Variants in DYNC2H1 observed in about 807,000 individuals in gnomAD.
DYNC2H1 encodes the protein cytoplasmic dynein 2 heavy chain 1.
Under a neutral mutation model 570.0 loss-of-function variants are expected in DYNC2H1, and 410 were observed. The observed-to-expected ratio is 0.72, with a 90% CI of 0.66 to 0.78. The LOEUF (loss-of-function observed/expected upper bound fraction) is 0.78. Among genes scored for constraint, DYNC2H1 ranks in the 30% least tolerant of loss-of-function variants. The probability of loss-of-function intolerance (pLI) is 0.00; values close to 1 mark genes in which losing one functional copy is unlikely to be tolerated. For missense variants in DYNC2H1, 4,865 were observed against 5,046.4 expected (o/e 0.96, Z 1.09); for synonymous variants, 1,688 against 1,677.6 (o/e 1.01, Z -0.15).
At chr11:103,171,269 T>G (rs901126909) in intron 34 of DYNC2H1, among the ~76,000 whole-genome samples, 3 of 152,128 alleles carry the variant, frequency 2.0e-5, no homozygotes, top group Non-Finnish European at 2.9e-5. Context: ...TTCTTTTTTT[T>G]TGGGGGACAG....
intron 11 of DYNC2H1, 36 bp from the exon 12 acceptor site, chr11:103,125,064 C>T (rs760105582): frequency 8.6e-6 from 13 of 1,512,776 alleles, no homozygotes; most frequent in Middle Eastern, 3.5e-4. Flanking sequence ...ACAGTGAGAA[C>T]ATGAAACTTA....
Position 103,303,270 on chromosome 11 carries a change from C to T in DYNC2H1, c.11256+17C>T, listed in dbSNP as rs1867127511. The T allele has an allele frequency of 1.9e-6, 3 of 1,602,820 alleles. No homozygotes were observed. The African/African-American group carries it at 4.0e-5, about 22-fold the overall frequency. ...TATCACCAGGTAAGTACATATTGTC[C>T]CGCTGTTTTTGTTTTTGCTATTGCT... On this transcript the variant is annotated intron_variant, in intron 76 of 88. Coordinates refer to ENST00000375735, the MANE Select transcript of DYNC2H1 (RefSeq NM_001377.3).
chr11:103,378,032 A>C (rs1941465754), intron 83 of DYNC2H1, among the ~76,000 whole-genome samples: 1 of 152,230 alleles, frequency 6.6e-6, no homozygotes, highest in Non-Finnish European at 1.5e-5. Flanking sequence ...CTACCATGCC[A>C]GGCTGAAGGC....
At chr11:103,214,446 C>CTTTTTTTTT (rs200386358) in intron 54 of DYNC2H1, among the ~76,000 whole-genome samples, 4 of 127,430 alleles carry the variant, frequency 3.1e-5, no homozygotes, top group Non-Finnish European at 4.8e-5. Context: ...ACTTCTTCTT[C>CTTTTTTTTT]TTTTTTTTTT....
At chr11:103,336,116 C>T (rs1254043022) in intron 82 of DYNC2H1, among the ~76,000 whole-genome samples, 1 of 152,078 alleles carries the variant, frequency 6.6e-6, no homozygotes, top group Non-Finnish European at 1.5e-5. Flanking sequence ...TCTTGCTAGG[C>T]AAAAGTAATT....
intron 36 of DYNC2H1, among the ~76,000 whole-genome samples, chr11:103,175,635 T>C (rs1861770951): frequency 6.6e-6 from 1 of 152,176 alleles, no homozygotes; most frequent in Non-Finnish European, 1.5e-5. Context: ...TGCATTTGGC[T>C]TAAGAATGGG....
At chr11:103,469,630 T>C (rs1447607311) in intron 88 of DYNC2H1, among the ~76,000 whole-genome samples, 1 of 152,112 alleles carries the variant, frequency 6.6e-6, no homozygotes, top group Non-Finnish European at 1.5e-5. Context: ...GCTATAAGAG[T>C]ATCCTCTGAC....
intron 45 of DYNC2H1, among the ~76,000 whole-genome samples, chr11:103,191,026 ATAT>A (rs1411870741): frequency 1.7e-5 from 2 of 117,854 alleles, no homozygotes; most frequent in Non-Finnish European, 3.4e-5. Flanking sequence ...GTATATATAT[ATAT>A]TTTTTTTCTT....
Position 103,243,351 on chromosome 11 carries a change from T to C in DYNC2H1, c.9820-342T>C, listed in dbSNP as rs1056092266. On this transcript the variant is annotated intron_variant, in intron 63 of 88. Coordinates refer to ENST00000375735, the MANE Select transcript of DYNC2H1 (RefSeq NM_001377.3). The surrounding 1 kb of genome is among the most constrained non-coding windows in gnomAD (Gnocchi z 4.8). ...TGTGTATTATAAAAGCCAAAAAGAA[T>C]GCTGCAAATGACATCAGCTTGAGAC... 6.6e-6 allele frequency among the ~76,000 whole-genome samples: 1 copy of C among 152,110 alleles called. No individual in the cohort carries two copies. The highest frequency in any genetic ancestry group is 2.4e-5 in the African/African-American group (1 of 41,440).
rs2510095 is a variant in DYNC2H1, at chr11:103,117,023, T to A, written c.766+309T>A. Among the ~76,000 whole-genome samples, 47,143 of 149,656 alleles carry A rather than the reference T, an allele frequency of 0.32. 8,278 individuals carry two copies. Among genetic ancestry groups the A allele is most frequent in the African/African-American group, 0.48 (19,693 of 40,962 alleles). On this transcript the variant is annotated intron_variant, in intron 5 of 88. Transcript: ENST00000375735. ...ATAGGCTTATTTGTTAATATTAAAT[T>A]TTTTGACCTAGAAAATACCCTTGTC...
chr11:103,398,235 G>A (rs1423023728), intron 83 of DYNC2H1, among the ~76,000 whole-genome samples: 1 of 152,152 alleles, frequency 6.6e-6, no homozygotes, highest in Non-Finnish European at 1.5e-5. Flanking sequence ...GGATGGAGAT[G>A]TGCTAAATAT....
At chr11:103,471,739 G>A (rs1945395234) in intron 88 of DYNC2H1, among the ~76,000 whole-genome samples, 1 of 152,060 alleles carries the variant, frequency 6.6e-6, no homozygotes, top group Non-Finnish European at 1.5e-5. Flanking sequence ...TGAACCCTGG[G>A]GTTACGAAGA....
At chr11:103,281,002 A>G (rs1171078148) in intron 71 of DYNC2H1, among the ~76,000 whole-genome samples, 1 of 152,074 alleles carries the variant, frequency 6.6e-6, no homozygotes, top group East Asian at 1.9e-4. Flanking sequence ...TTTTAAAAAA[A>G]AAGCTATTTG....
chr11:103,479,329 G>A lies in DYNC2H1; in HGVS notation c.*76G>A. 1 of 1,467,614 alleles carries A rather than the reference G, an allele frequency of 6.8e-7. No individual in the cohort carries two copies. Among genetic ancestry groups the A allele is most frequent in the South Asian group, 1.5e-5 (1 of 67,874 alleles). 90.9% of individuals were successfully genotyped at this position (1,467,614 alleles called of 1,614,324 possible). A position where few individuals can be genotyped will look rare whatever the true frequency, so the allele number is the denominator to read the frequency against. ...AAGCTTTAAATCAAACATGTGGTCA[G>A]TCTACATTTGAAATGTTAGTTCAAA... On this transcript the variant is annotated 3_prime_UTR_variant, in exon 89 of 89. Transcript: ENST00000375735.
chr11:103,113,839 T>C, intron 2 of DYNC2H1, 132 bp downstream of exon 2: 1 of 889,172 alleles, frequency 1.1e-6, no homozygotes. Flanking sequence ...TTTCTTAACT[T>C]TTTTTAACTT....
chr11:103,212,800 T>G (rs895835501), intron 54 of DYNC2H1, among the ~76,000 whole-genome samples: 17 of 152,134 alleles, frequency 1.1e-4, no homozygotes, highest in Admixed American at 3.9e-4. Context: ...AGGTACTAAC[T>G]ATACGGGCTT....
At chr11:103,427,309 C>T (rs567211462) in intron 84 of DYNC2H1, among the ~76,000 whole-genome samples, 7 of 152,082 alleles carry the variant, frequency 4.6e-5, no homozygotes, top group East Asian at 3.9e-4. Flanking sequence ...ATAAATTTCA[C>T]GGAAGTAAAT....
At chr11:103,414,924 A>T (rs1371864376) in intron 84 of DYNC2H1, among the ~76,000 whole-genome samples, 2 of 152,168 alleles carry the variant, frequency 1.3e-5, no homozygotes, top group Non-Finnish European at 2.9e-5. Flanking sequence ...CTTATGTACC[A>T]CCATAGAATC....
intron 10 of DYNC2H1, among the ~76,000 whole-genome samples, chr11:103,122,622 C>T (rs529898866): frequency 2.6e-5 from 4 of 152,258 alleles, no homozygotes; most frequent in African/African-American, 9.6e-5. Flanking sequence ...TATCCTCTTG[C>T]GTTTGCTCTT....
Sources: allele counts gnomAD v4.1 joint callset (sites outside exome capture counted in the v4.1 genomes callset), GRCh38; gene constraint gnomAD v4.1.1; non-coding constraint Gnocchi (gnomAD v3.1); transcripts MANE v1.5; gene names NCBI Gene and HGNC (gene_info 2026-07-23, HGNC 2026-07-21).